The following GNL3 variants were observed in gnomAD, a reference collection of about 807,000 sequenced individuals.
GNL3 encodes guanine nucleotide-binding protein-like 3.
In GNL3, 77 loss-of-function variants were observed where a neutral mutation model predicts 70.6. The observed-to-expected ratio is 1.09, with a 90% confidence interval of 0.91 to 1.32. The LOEUF is 1.32. Among genes scored for constraint, GNL3 ranks in the 40% most tolerant of loss-of-function variants. The probability of loss-of-function intolerance (pLI) is 0.00; values close to 1 mark genes in which losing one functional copy is unlikely to be tolerated. For missense variants in GNL3, 634 were observed against 644.0 expected (o/e 0.98, Z 0.17); for synonymous variants, 252 against 216.1 (o/e 1.17, Z -1.46).
Position 52,688,096 on chromosome 3 carries a change from C to G in GNL3, c.325-13C>G. The G allele has an allele frequency of 6.5e-7, 1 of 1,528,520 alleles. No individual in the cohort carries two copies. The highest frequency in any genetic ancestry group is 9.1e-7 in the Non-Finnish European group (1 of 1,102,034). 94.7% of individuals were successfully genotyped at this position (1,528,520 alleles called of 1,614,324 possible). ...ACTTCTAATTTTGTGTTATTTCCCC[C>G]TTTATCCTCTAGGAGTTTGGGCTTT... is the stretch of plus-strand genomic sequence containing the variant. On this transcript the variant is annotated splice_polypyrimidine_tract_variant and intron_variant, in intron 4 of 14. Transcript: ENST00000418458.
chr3:52,694,028 G>A lies in GNL3; in HGVS notation c.1501-9G>A, dbSNP rs1305613826. ...TACTAATCCAGCACTATTTTTCTTT[G>A]TCACACAGGAAAACAGCTCAGGCAT... is the stretch of plus-strand genomic sequence containing the variant. On this transcript the variant is annotated splice_polypyrimidine_tract_variant and intron_variant, in intron 13 of 14. Coordinates refer to ENST00000418458, the MANE Select transcript of GNL3 (RefSeq NM_014366.5). 6.2e-7 allele frequency: 1 copy of A among 1,611,218 alleles called. No homozygotes were observed. The highest frequency in any genetic ancestry group is 1.3e-5 in the African/African-American group (1 of 74,856).
At position 52,687,599 on chromosome 3, in the gene GNL3, T is replaced by C; in HGVS notation, c.308T>C (p.Val103Ala). The C allele has an allele frequency of 6.3e-7, 1 of 1,587,550 alleles. No homozygotes were observed. The highest frequency in any genetic ancestry group is 2.2e-5 in the East Asian group (1 of 44,774). Residue 103 changes from valine (V) to alanine (A), a missense_variant, in exon 4 of 15, where the codon GTG becomes GCG. Val to Ala is a moderately conservative substitution (Grantham distance 64, BLOSUM62 0). Coordinates refer to ENST00000418458, the MANE Select transcript of GNL3 (RefSeq NM_014366.5). Reference protein sequence around the residue: ...ETNPDIKPSNVEPMEKEFGLC... With the variant: ...ETNPDIKPSNAEPMEKEFGLC... The stretch of plus-strand genomic sequence containing the variant: ...AATCCTGATATTAAGCCATCAAATG[T>C]GGAACCTATGGAAAAGGTATGATTA...
chr3:52,686,910 A>AAT, intron 2 of GNL3, 83 bp downstream of exon 2: 1 of 1,074,640 alleles, frequency 9.3e-7, no homozygotes. Context: ...AGTCTGGGTT[A>AAT]ATGTGATTTG....
chr3:52,689,857 CAGG>C (rs2097325660), intron 6 of GNL3, among the ~76,000 whole-genome samples: 2 of 152,152 alleles, frequency 1.3e-5, no homozygotes, highest in East Asian at 1.9e-4. Context: ...AAGGCTGAGG[CAGG>C]AGAATTGCTT....
rs764390058 is a variant in GNL3 at position 52,689,096 on chromosome 3, T to C, written c.431T>C (p.Val144Ala). The C allele has an allele frequency of 6.8e-6, 11 of 1,613,286 alleles. No homozygotes were observed. The East Asian group carries it at 2.5e-4, about 36-fold the overall frequency. The change falls in exon 6 of 15, where the codon GTC (valine) becomes GCC (alanine). Residue 144 changes from valine to alanine, a missense_variant. Transcript: ENST00000418458. ...TAGGTGATTGAAGCCTCCGATGTTG[T>C]CCTAGAGGTGTTGGATGCCAGAGAT... is the stretch of plus-strand genomic sequence containing the variant. ...LKKVIEASDV[V>A]LEVLDARDPL...
chr3:52,686,111 TG>T lies in GNL3; in HGVS notation c.13+10del. The stretch of plus-strand genomic sequence containing the variant: ...AGCCAATATGAAAAGGCCTAGTAAG[TG>T]GGGTCGGGAGGCGGGCGTGGAGGGA... On this transcript the variant is annotated splice_region_variant and intron_variant, in intron 1 of 14. Transcript: ENST00000418458. The T allele has an allele frequency of 6.4e-7, 1 of 1,558,976 alleles. No individual in the cohort carries two copies. The highest frequency in any genetic ancestry group is 8.9e-7 in the Non-Finnish European group (1 of 1,129,646).
At chr3:52,688,004 C>A in intron 4 of GNL3, 105 bp from the exon 5 acceptor site, 3 of 726,962 alleles carry the variant, frequency 4.1e-6, no homozygotes, top group Non-Finnish European at 7.6e-6. Context: ...CTCCATCTTA[C>A]CTATTTAACA....
chr3:52,690,700 C>A lies in GNL3; in HGVS notation c.650C>A (p.Thr217Asn). The change falls in exon 7 of 15, where the codon ACC (threonine) becomes AAC (asparagine). Residue 217 changes from threonine to asparagine, a missense_variant. Coordinates refer to ENST00000418458, the MANE Select transcript of GNL3 (RefSeq NM_014366.5). ...AAACCAAAGGATAAAGGGAAGATAACCAAGGTATCCTTTATTAGTGGTAAG... is the reference window on the plus strand; with the variant it reads ...AAACCAAAGGATAAAGGGAAGATAAACAAGGTATCCTTTATTAGTGGTAAG... ...STKPKDKGKI[T>N]KRVKAKKNAA... The A allele has an allele frequency of 6.6e-7, 1 of 1,520,956 alleles. No homozygotes were observed. Among genetic ancestry groups the A allele is most frequent in the Non-Finnish European group, 9.1e-7 (1 of 1,095,690 alleles). 94.2% of individuals were successfully genotyped at this position (1,520,956 alleles called of 1,614,324 possible).
chr3:52,692,862 CTT>C lies in GNL3; in HGVS notation c.870-9_870-8del. On this transcript the variant is annotated splice_region_variant and splice_polypyrimidine_tract_variant and intron_variant, in intron 9 of 14. Transcript: ENST00000418458. ...CAATGCCCCCATCAATTCCATCGCT[CTT>C]CTTTCAGGAGCATGCAAGTTGTCCC... 1 of 1,608,386 alleles carries C rather than the reference CTT, an allele frequency of 6.2e-7. No homozygotes were observed. The highest frequency in any genetic ancestry group is 8.5e-7 in the Non-Finnish European group (1 of 1,176,568).
rs1177147765 is a variant in GNL3 at position 52,693,807 on chromosome 3, T to C, written c.1500T>C (p.Asp500=). Reference sequence around the variant, plus strand: ...AGGAAACTGTTGATGAAGAAGTTGATGTAAGTGTGTCCTCCATGAGTTAAA... The same window carrying C: ...AGGAAACTGTTGATGAAGAAGTTGACGTAAGTGTGTCCTCCATGAGTTAAA... ...SDQETVDEEV[D]ENSSGMFAAE... The change falls in exon 13 of 15, where the codon GAT becomes GAC. Residue 500 remains aspartate, a splice_region_variant and synonymous_variant. Coordinates refer to ENST00000418458, the MANE Select transcript of GNL3 (RefSeq NM_014366.5). 8 of 1,611,074 alleles carry C rather than the reference T, an allele frequency of 5.0e-6. No individual in the cohort carries two copies. In the African/African-American group the frequency reaches 6.7e-5, roughly 13 times the overall value.
In GNL3 at chr3:52,689,383, C is replaced by T. The variant is rs1043343301; in HGVS notation, c.541+177C>T. On this transcript the variant is annotated intron_variant, in intron 6 of 14. Coordinates refer to ENST00000418458, the MANE Select transcript of GNL3 (RefSeq NM_014366.5). ...AGCCAGGTGACTTTTACAACTGACTCAACTGGTTTCTACTATTCTTTTGCC... is the reference window on the plus strand; with the variant it reads ...AGCCAGGTGACTTTTACAACTGACTTAACTGGTTTCTACTATTCTTTTGCC... The T allele has an allele frequency of 4.1e-6, 3 of 730,168 alleles. No individual in the cohort carries two copies. The African/African-American group carries it at 5.2e-5, about 13-fold the overall frequency. The allele number at this position is 730,168 out of a possible 1,614,324, so 45.2% of individuals were successfully genotyped here.
In GNL3 at chr3:52,690,682, A is replaced by C. The variant is rs773490805; in HGVS notation, c.632A>C (p.Lys211Thr). The C allele has an allele frequency of 4.4e-6, 7 of 1,591,476 alleles. No homozygotes were observed. The change falls in exon 7 of 15, where the codon AAG becomes ACG. Residue 211 changes from lysine (K) to threonine (T), a missense_variant. Lys to Thr is a moderately conservative substitution (Grantham distance 78, BLOSUM62 -1). Transcript: ENST00000418458. ...GTGTTCAGAGCCTCAACAAAACCAA[A>C]GGATAAAGGGAAGATAACCAAGGTA... Reference protein sequence around the residue: ...TVVFRASTKPKDKGKITKRVK... With the variant: ...TVVFRASTKPTDKGKITKRVK...
rs1282151675 is a variant in GNL3, at chr3:52,693,633, C to T, written c.1326C>T (p.Ala442=). 8.7e-6 allele frequency: 14 copies of T among 1,613,944 alleles called. No individual in the cohort carries two copies. In the East Asian group the frequency reaches 2.9e-4, roughly 33 times the overall value. ...LEKNNAQSIR[A]IKGPHLANSI... is the part of the protein sequence containing the mutation. Reference sequence around the variant, plus strand: ...ACATGGGCTTGCTTTCTTTCCCAGCCATCAAGGGCCCTCATTTGGCCAATA... The same window carrying T: ...ACATGGGCTTGCTTTCTTTCCCAGCTATCAAGGGCCCTCATTTGGCCAATA... Residue 442 remains alanine (A), a splice_region_variant and synonymous_variant, in exon 13 of 15, where the codon GCC becomes GCT. Transcript: ENST00000418458.
intron 1 of GNL3, 146 bp downstream of exon 1, chr3:52,686,251 G>A (rs978788644): frequency 3.9e-5 from 32 of 814,164 alleles, no homozygotes; most frequent in Non-Finnish European, 6.2e-5. Flanking sequence ...TTTCCTGGTA[G>A]AACCGAGAGT....
In GNL3 at chr3:52,689,118, A is replaced by G; in HGVS notation, c.453A>G (p.Arg151=). 6.2e-7 allele frequency: 1 copy of G among 1,613,200 alleles called. No individual in the cohort carries two copies. Among genetic ancestry groups the G allele is most frequent in the African/African-American group, 1.3e-5 (1 of 75,018 alleles). The change falls in exon 6 of 15, where the codon AGA becomes AGG. Residue 151 remains arginine (R), a synonymous_variant. Coordinates refer to ENST00000418458, the MANE Select transcript of GNL3 (RefSeq NM_014366.5). ...TTGTCCTAGAGGTGTTGGATGCCAGAGATCCTCTTGGTTGCAGATGTCCTC... is the reference window on the plus strand; with the variant it reads ...TTGTCCTAGAGGTGTTGGATGCCAGGGATCCTCTTGGTTGCAGATGTCCTC... The part of the protein sequence containing the change: ...SDVVLEVLDA[R]DPLGCRCPQV...
Position 52,689,207 on chromosome 3 carries a change from G to A in GNL3, c.541+1G>A, listed in dbSNP as rs2097324997. ...CTGGTACTTATATTAAATAAATCAG[G>A]TGAGTAAAGAGGGTACCCTTTGTCT... On this transcript the variant is annotated splice_donor_variant, in intron 6 of 14. Transcript: ENST00000418458. LOFTEE classifies it high-confidence loss of function. 3 of 1,612,928 alleles carry A rather than the reference G, an allele frequency of 1.9e-6. No homozygotes were observed. The highest frequency in any genetic ancestry group is 2.5e-6 in the Non-Finnish European group (3 of 1,178,978).
chr3:52,689,262 C>T (rs777389042), intron 6 of GNL3, 56 bp downstream of exon 6: 2 of 1,476,386 alleles, frequency 1.4e-6, no homozygotes, highest in South Asian at 2.3e-5. Flanking sequence ...TACGAGGAAA[C>T]AGTCTGATAG....
chr3:52,693,409 G>A lies in GNL3; in HGVS notation c.1189G>A (p.Ala397Thr), dbSNP rs2097329291. The A allele has an allele frequency of 6.2e-7, 1 of 1,614,028 alleles. No individual in the cohort carries two copies. The highest frequency in any genetic ancestry group is 2.2e-5 in the East Asian group (1 of 44,878). ...GACACATCTTATTTTTAATATCAGT[G>A]CCTCATTAGCTTACTATTGCCATCC... ...AKLLWSEWTGASLAYYCHPPT... is the reference protein window; with the variant it reads ...AKLLWSEWTGTSLAYYCHPPT... The change falls in exon 12 of 15, where the codon GCC becomes ACC. Residue 397 changes from alanine (A) to threonine (T), a missense_variant and splice_region_variant. Coordinates refer to ENST00000418458, the MANE Select transcript of GNL3 (RefSeq NM_014366.5).
At chr3:52,687,414 G>A in intron 3 of GNL3, 31 bp downstream of exon 3, 1 of 1,609,752 alleles carries the variant, frequency 6.2e-7, no homozygotes, top group Non-Finnish European at 8.5e-7. Flanking sequence ...TTTTCATTGA[G>A]TGGTGTAGTG....
Sources: allele counts gnomAD v4.1 joint callset (sites outside exome capture counted in the v4.1 genomes callset), GRCh38; gene constraint gnomAD v4.1.1; transcripts MANE v1.5; gene names NCBI Gene and HGNC (gene_info 2026-07-23, HGNC 2026-07-21).